REXO1: variants seen among roughly 807,000 people sequenced by gnomAD.
The protein encoded by REXO1 is REX1, RNA exonuclease 1 homolog.
A neutral mutation model predicts 102.6 loss-of-function variants in REXO1; 42 were observed. That is an observed-to-expected ratio of 0.41 (90% confidence interval 0.32 to 0.53). The LOEUF is 0.53. Among genes scored for constraint, REXO1 ranks in the 20% least tolerant of loss-of-function variants. The probability of loss-of-function intolerance (pLI) is 0.27; values close to 1 mark genes in which losing one functional copy is unlikely to be tolerated. For missense variants in REXO1, 1,819 were observed against 1,732.5 expected (o/e 1.05, Z -0.89); for synonymous variants, 908 against 779.1 (o/e 1.17, Z -2.76).
intron 1 of REXO1, among the ~76,000 whole-genome samples, chr19:1,829,126 GGTGTGCCAGCA>G (rs1452364864): frequency 2.0e-5 from 3 of 152,246 alleles, no homozygotes; most frequent in Non-Finnish European, 2.9e-5. Flanking sequence ...GTGTGGCGGA[GGTGTGCCAGCA>G]GTGTGCCAGC....
chr19:1,840,923 C>T lies in REXO1; in HGVS notation c.157+7279G>A, dbSNP rs116160620. 8.3e-3 allele frequency among the ~76,000 whole-genome samples: 1,258 copies of T among 152,318 alleles called. 21 individuals are homozygous for T. The highest frequency in any genetic ancestry group is 0.029 in the African/African-American group (1,187 of 41,548). Reference sequence around the variant, plus strand: ...AGCCCACAGCTCGTCCCGAGTCCTCCCCCAACCACTCCTTTCCTGAGGCCG... The same window carrying T: ...AGCCCACAGCTCGTCCCGAGTCCTCTCCCAACCACTCCTTTCCTGAGGCCG... On this transcript the variant is annotated intron_variant, in intron 1 of 15. Transcript: ENST00000170168.
At chr19:1,823,848 G>C (rs759096811) in intron 3 of REXO1, 63 bp from the exon 4 acceptor site, 12 of 763,628 alleles carry the variant, frequency 1.6e-5, no homozygotes, top group Non-Finnish European at 2.1e-5. Flanking sequence ...AGGCGACCCC[G>C]GGCAGGCTTG....
At chr19:1,817,654 G>A in intron 11 of REXO1, 53 bp downstream of exon 11, 3 of 1,561,040 alleles carry the variant, frequency 1.9e-6, no homozygotes, top group Non-Finnish European at 2.6e-6. Context: ...CAACGATGGG[G>A]AGGCAGAAGT....
At position 1,816,012 on chromosome 19, in the gene REXO1, T is replaced by C. The variant is rs1380635031; in HGVS notation, c.*54A>G. 1.3e-5 allele frequency: 20 copies of C among 1,537,876 alleles called. No homozygotes were observed. The highest frequency in any genetic ancestry group is 1.7e-4 in the Middle Eastern group (1 of 5,992). ...TTATTGCACTGTTTTGGAAGAGGCATGGGGCTAAGGACCAGCGGGACGGCA... is the reference window on the plus strand; with the variant it reads ...TTATTGCACTGTTTTGGAAGAGGCACGGGGCTAAGGACCAGCGGGACGGCA... On this transcript the variant is annotated 3_prime_UTR_variant, in exon 16 of 16. Transcript: ENST00000170168.
intron 1 of REXO1, among the ~76,000 whole-genome samples, chr19:1,839,456 C>T (rs10411249): frequency 1.6e-3 from 239 of 152,102 alleles, no homozygotes; most frequent in African/African-American, 5.3e-3. Context: ...CGGGGCGCTG[C>T]CCCTCAGCCA....
intron 1 of REXO1, among the ~76,000 whole-genome samples, chr19:1,839,661 A>G (rs2011204959): frequency 6.6e-6 from 1 of 152,240 alleles, no homozygotes; most frequent in Non-Finnish European, 1.5e-5. Context: ...TTCTCTGAAT[A>G]CCTGCCCAGG....
intron 3 of REXO1, 55 bp from the exon 4 acceptor site, chr19:1,823,840 GC>G: frequency 1.2e-6 from 1 of 848,010 alleles, no homozygotes; most frequent in Middle Eastern, 4.0e-4. Context: ...CCTGGAGCAG[GC>G]GACCCCGGGC....
Position 1,818,806 on chromosome 19 carries a change from G to A in REXO1, c.2802C>T (p.Leu934=). The change falls in exon 9 of 16, where the codon CTC becomes CTT. Residue 934 remains leucine (L), a synonymous_variant. Coordinates refer to ENST00000170168, the MANE Select transcript of REXO1 (RefSeq NM_020695.4). ...CGTTCTCCTTGAGCTGGTCCTGGGT[G>A]AGCAGGTACTCCCTGAGGCGGCTGT... ...ALYSRLREYL[L]TQDQLKENGY... The A allele has an allele frequency of 6.2e-7, 1 of 1,609,528 alleles. No homozygotes were observed. The highest frequency in any genetic ancestry group is 8.5e-7 in the Non-Finnish European group (1 of 1,179,872).
intron 3 of REXO1, 25 bp from the exon 4 acceptor site, chr19:1,823,810 C>G: frequency 8.6e-7 from 1 of 1,156,886 alleles, no homozygotes; most frequent in Non-Finnish European, 1.1e-6. Context: ...ATGCTAAGGC[C>G]TGGCAGCACA....
In REXO1 at chr19:1,826,046, A is replaced by T. The variant is rs2069710117; in HGVS notation, c.1912-103T>A. 2.5e-6 allele frequency: 2 copies of T among 795,136 alleles called. No individual in the cohort carries two copies. The highest frequency in any genetic ancestry group is 2.9e-5 in the South Asian group (2 of 68,018). 49.3% of individuals were successfully genotyped at this position (795,136 alleles called of 1,614,324 possible). A position where few individuals can be genotyped will look rare whatever the true frequency, so the allele number is the denominator to read the frequency against. ...CGGCAAGTGGGGAATGGAACAGTCC[A>T]GCCCCCAGGCACAGCAGCTGAGGGC... On this transcript the variant is annotated intron_variant, in intron 2 of 15. Coordinates refer to ENST00000170168, the MANE Select transcript of REXO1 (RefSeq NM_020695.4). The surrounding 1 kb of genome is among the most constrained non-coding windows in gnomAD (Gnocchi z 4.3).
In REXO1 at chr19:1,842,007, T is replaced by C. The variant is rs188001001; in HGVS notation, c.157+6195A>G. On this transcript the variant is annotated intron_variant, in intron 1 of 15. Coordinates refer to ENST00000170168, the MANE Select transcript of REXO1 (RefSeq NM_020695.4). ...GGGTGGATCACTTGAGGCCAGGAGT[T>C]CGAGACCAGCCTGGCCAACATGGTG... 8.1e-3 allele frequency among the ~76,000 whole-genome samples: 1,237 copies of C among 152,142 alleles called. 18 individuals are homozygous for C. The highest frequency in any genetic ancestry group is 0.028 in the African/African-American group (1,144 of 41,488).
Position 1,848,189 on chromosome 19 carries a change from G to T in REXO1, c.157+13C>A. 1 of 1,196,048 alleles carries T rather than the reference G, an allele frequency of 8.4e-7. No individual in the cohort carries two copies. The highest frequency in any genetic ancestry group is 4.2e-5 in the South Asian group (1 of 24,074). The allele number at this position is 1,196,048 out of a possible 1,614,324, so 74.1% of individuals were successfully genotyped here. A position where few individuals can be genotyped will look rare whatever the true frequency, so the allele number is the denominator to read the frequency against. ...GGAGCCGAGCCCAAGGCAAGCAGGC[G>T]GGCGGGCATTACCTGCTGCGGGGGG... is the stretch of plus-strand genomic sequence containing the variant. On this transcript the variant is annotated intron_variant, in intron 1 of 15. Coordinates refer to ENST00000170168, the MANE Select transcript of REXO1 (RefSeq NM_020695.4).
In REXO1 at chr19:1,815,930, G is replaced by GC; in HGVS notation, c.*135dup. 6.5e-7 allele frequency: 1 copy of GC among 1,534,672 alleles called. No individual in the cohort carries two copies. The highest frequency in any genetic ancestry group is 8.7e-7 in the Non-Finnish European group (1 of 1,146,346). On this transcript the variant is annotated 3_prime_UTR_variant, in exon 16 of 16. Coordinates refer to ENST00000170168, the MANE Select transcript of REXO1 (RefSeq NM_020695.4). This position sits in a 1 kb window ranked among gnomAD's most constrained non-coding sequence, Gnocchi z 4.0. ...GGGCTGGGCTGGGCGTTCTCTGGCC[G>GC]CCAGCTCATCCCGCTGCTCTGGGCT... is the stretch of plus-strand genomic sequence containing the variant.
In REXO1 at chr19:1,816,227, T is replaced by C. The variant is rs775077981; in HGVS notation, c.3575A>G (p.Asn1192Ser). ...CCAGGGCAGGCACCGGCACTCACCA[T>C]TGTCCTGGATGATCTGTCTGAGGTA... ...ADYLRQIIQD[N>S]VDGHSSSEDA... Residue 1192 changes from asparagine (N) to serine (S), a missense_variant and splice_region_variant, in exon 15 of 16, where the codon AAT becomes AGT. Physicochemically the swap from Asn to Ser is conservative, Grantham distance 46 (BLOSUM62 1). Coordinates refer to ENST00000170168, the MANE Select transcript of REXO1 (RefSeq NM_020695.4). 4 of 1,583,310 alleles carry C rather than the reference T, an allele frequency of 2.5e-6. No homozygotes were observed. Among genetic ancestry groups the C allele is most frequent in the South Asian group, 2.3e-5 (2 of 87,090 alleles).
intron 1 of REXO1, among the ~76,000 whole-genome samples, chr19:1,841,136 G>C (rs968098072): frequency 6.6e-5 from 10 of 152,232 alleles, no homozygotes; most frequent in Admixed American, 6.5e-5. Flanking sequence ...AGGAGGAAGA[G>C]GAATGGCAAC....
Position 1,816,798 on chromosome 19 carries a change from C to T in REXO1, c.3217G>A (p.Gly1073Ser), listed in dbSNP as rs914223093. 6.2e-7 allele frequency: 1 copy of T among 1,612,510 alleles called. No individual in the cohort carries two copies. The highest frequency in any genetic ancestry group is 8.5e-7 in the Non-Finnish European group (1 of 1,179,798). Residue 1073 changes from glycine to serine, a missense_variant, in exon 13 of 16, where the codon GGC becomes AGC. Gly to Ser is a moderately conservative substitution (Grantham distance 56). Coordinates refer to ENST00000170168, the MANE Select transcript of REXO1 (RefSeq NM_020695.4). ...LDCEMSYTTY[G>S]LELTRVTVVD... ...ACCGTGACGCGCGTCAGCTCCAGGC[C>T]ATATGTGGTGTAGGACTGCGGGCAA...
chr19:1,816,801 A>C lies in REXO1; in HGVS notation c.3214T>G (p.Tyr1072Asp), dbSNP rs544903817. 196 of 1,610,366 alleles carry C rather than the reference A, an allele frequency of 1.2e-4. No individual in the cohort carries two copies. The highest frequency in any genetic ancestry group is 1.6e-4 in the Non-Finnish European group (192 of 1,179,328). Residue 1072 changes from tyrosine to aspartate, a missense_variant, in exon 13 of 16, where the codon TAT (tyrosine) becomes GAT (aspartate). By Grantham distance (160) the Tyr-to-Asp change is radical. Coordinates refer to ENST00000170168, the MANE Select transcript of REXO1 (RefSeq NM_020695.4). ...ALDCEMSYTT[Y>D]GLELTRVTVV... is the part of the protein sequence containing the mutation. Reference sequence around the variant, plus strand: ...GTGACGCGCGTCAGCTCCAGGCCATATGTGGTGTAGGACTGCGGGCAAGGG... The same window carrying C: ...GTGACGCGCGTCAGCTCCAGGCCATCTGTGGTGTAGGACTGCGGGCAAGGG...
At chr19:1,833,291 C>G (rs7253834) in intron 1 of REXO1, among the ~76,000 whole-genome samples, 2 of 152,160 alleles carry the variant, frequency 1.3e-5, no homozygotes, top group Admixed American at 6.5e-5. Context: ...TTGGACCACT[C>G]GGAACTCCGC....
In REXO1 at chr19:1,819,967, C is replaced by T; in HGVS notation, c.2617G>A (p.Gly873Ser). 8 of 1,591,504 alleles carry T rather than the reference C, an allele frequency of 5.0e-6. No homozygotes were observed. Among genetic ancestry groups the T allele is most frequent in the Non-Finnish European group, 6.8e-6 (8 of 1,172,478 alleles). The part of the protein sequence containing the change: ...VAVNTLKKLR[G>S]LAPSAVPGLS... ...CCGGGCACAGCGCTGGGGGCCAGGC[C>T]CCTGAGCTTCTTGAGGGTGTTCACG... Residue 873 changes from glycine (G) to serine (S), a missense_variant, in exon 7 of 16, where the codon GGC becomes AGC. Transcript: ENST00000170168.
Sources: allele counts gnomAD v4.1 joint callset (sites outside exome capture counted in the v4.1 genomes callset), GRCh38; gene constraint gnomAD v4.1.1; non-coding constraint Gnocchi (gnomAD v3.1); transcripts MANE v1.5; gene names NCBI Gene and HGNC (gene_info 2026-07-23, HGNC 2026-07-21).